Variants in RBFOX1 observed in about 807,000 individuals in gnomAD.
The protein encoded by RBFOX1 is RNA binding fox-1 homolog 1.
RBFOX1 carries 8 observed loss-of-function variants against 57.7 expected under a neutral mutation model. That is an observed-to-expected ratio of 0.14 (90% CI 0.08 to 0.25). The LOEUF (loss-of-function observed/expected upper bound fraction) is 0.25. RBFOX1 is among the 10% of genes least tolerant of loss of function. The probability of loss-of-function intolerance (pLI) is 1.00; values close to 1 mark genes in which losing one functional copy is unlikely to be tolerated. For missense variants in RBFOX1, 611 were observed against 548.5 expected (o/e 1.11, Z -1.14); for synonymous variants, 326 against 222.4 (o/e 1.47, Z -4.15).
At chr16:5,498,464 T>C (rs780139297) in intron 2 of RBFOX1, among the ~76,000 whole-genome samples, 22 of 152,072 alleles carry the variant, frequency 1.4e-4, no homozygotes, top group Admixed American at 7.2e-4. Flanking sequence ...TTGGCAGCAG[T>C]AGTGATGGTG....
intron 4 of RBFOX1, among the ~76,000 whole-genome samples, chr16:7,494,645 C>T (rs1013493204): frequency 9.2e-5 from 14 of 151,988 alleles, no homozygotes; most frequent in African/African-American, 3.4e-4. Flanking sequence ...TCTCTTATGA[C>T]AGAGAGGAGC....
chr16:7,213,656 C>CTTGAGATGTTAGGA (rs1467488072), intron 4 of RBFOX1, among the ~76,000 whole-genome samples: 1 of 152,070 alleles, frequency 6.6e-6, no homozygotes, highest in East Asian at 1.9e-4. Context: ...GATGAGCTAT[C>CTTGAGATGTTAGGA]TCATTTAATA....
At chr16:6,962,108 G>A (rs553895473) in intron 3 of RBFOX1, among the ~76,000 whole-genome samples, 2 of 152,284 alleles carry the variant, frequency 1.3e-5, no homozygotes, top group African/African-American at 2.4e-5. Flanking sequence ...AAATCAGGCT[G>A]TATCCAGGAC....
At chr16:7,027,259 T>C (rs1244241996) in intron 3 of RBFOX1, among the ~76,000 whole-genome samples, 1 of 152,120 alleles carries the variant, frequency 6.6e-6, no homozygotes, top group Non-Finnish European at 1.5e-5. Context: ...AACAAGTAAA[T>C]GAATAGAGAG....
chr16:6,400,947 C>A lies in RBFOX1; in HGVS notation c.-64+83890C>A, dbSNP rs1427882444. ...TGATGGTGTTGGATTGAAATTGGAG[C>A]TATCAGTATCAATTTAGTTTTTTTA... is the stretch of plus-strand genomic sequence containing the variant. On this transcript the variant is annotated intron_variant, in intron 2 of 15. Coordinates refer to ENST00000550418, the MANE Select transcript of RBFOX1 (RefSeq NM_018723.4). Among the ~76,000 whole-genome samples, 3 of 152,074 alleles carry A rather than the reference C, an allele frequency of 2.0e-5. No individual in the cohort carries two copies. The East Asian group carries it at 5.8e-4, about 29-fold the overall frequency.
At chr16:7,423,651 G>T (rs2098570325) in intron 4 of RBFOX1, among the ~76,000 whole-genome samples, 1 of 152,132 alleles carries the variant, frequency 6.6e-6, no homozygotes. Flanking sequence ...CTGTTTATAT[G>T]GTGCATGTGA....
intron 4 of RBFOX1, among the ~76,000 whole-genome samples, chr16:5,887,918 A>G (rs1449698385): frequency 6.6e-6 from 1 of 152,168 alleles, no homozygotes; most frequent in Non-Finnish European, 1.5e-5. Flanking sequence ...GAAGATTTCC[A>G]CTATTCTGAA....
At chr16:5,594,998 T>C (rs1187109287) in intron 2 of RBFOX1, among the ~76,000 whole-genome samples, 1 of 123,254 alleles carries the variant, frequency 8.1e-6, no homozygotes, top group African/African-American at 3.1e-5. Flanking sequence ...AAAAAAAAAT[T>C]AGCCAGGTAT....
At chr16:6,444,857 G>C (rs1255290746) in intron 2 of RBFOX1, among the ~76,000 whole-genome samples, 1 of 152,140 alleles carries the variant, frequency 6.6e-6, no homozygotes, top group Middle Eastern at 3.2e-3. Flanking sequence ...TTCTGTGTGA[G>C]AACAGGGAGT....
chr16:6,194,203 A>G (rs899581346), intron 1 of RBFOX1, among the ~76,000 whole-genome samples: 1 of 151,938 alleles, frequency 6.6e-6, no homozygotes, highest in African/African-American at 2.4e-5. Flanking sequence ...CAGCTCCCCC[A>G]TCTCAACCTG....
intron 1 of RBFOX1, among the ~76,000 whole-genome samples, chr16:6,176,477 G>A (rs953391395): frequency 3.3e-5 from 5 of 151,496 alleles, no homozygotes; most frequent in Non-Finnish European, 7.4e-5. Context: ...GAGGAATTTA[G>A]TTAAAGTTGC....
intron 7 of RBFOX1, among the ~76,000 whole-genome samples, chr16:7,588,134 G>T (rs2094227529): frequency 6.6e-6 from 1 of 152,166 alleles, no homozygotes; most frequent in Admixed American, 6.5e-5. Flanking sequence ...AGCTGAGATT[G>T]CACCACTGCA....
In RBFOX1 at chr16:6,929,076, C is replaced by T. The variant is rs188480696; in HGVS notation, c.-15-122981C>T. On this transcript the variant is annotated intron_variant, in intron 3 of 15. Coordinates refer to ENST00000550418, the MANE Select transcript of RBFOX1 (RefSeq NM_018723.4). ...ACGCCAGGAAAACACCATGCTTGCC[C>T]CACTCCCCAGTCTAGTGTTTAATTC... is the stretch of plus-strand genomic sequence containing the variant. Among the ~76,000 whole-genome samples, 33 of 152,214 alleles carry T rather than the reference C, an allele frequency of 2.2e-4. No homozygotes were observed. The East Asian group carries it at 2.9e-3, about 13-fold the overall frequency.
chr16:5,555,904 C>G (rs1472590204), intron 2 of RBFOX1, among the ~76,000 whole-genome samples: 1 of 151,952 alleles, frequency 6.6e-6, no homozygotes, highest in African/African-American at 2.4e-5. Flanking sequence ...GTCTGTAATC[C>G]CAGTTACTTG....
chr16:6,822,394 T>G (rs571897847), intron 3 of RBFOX1, among the ~76,000 whole-genome samples: 2 of 152,334 alleles, frequency 1.3e-5, no homozygotes, highest in African/African-American at 4.8e-5. Flanking sequence ...TCAGGGGAGA[T>G]GCCAGCAAGT....
chr16:5,387,491 T>A (rs1260965404), intron 1 of RBFOX1, among the ~76,000 whole-genome samples: 2 of 152,220 alleles, frequency 1.3e-5, no homozygotes, highest in Admixed American at 1.3e-4. Context: ...CTGCTCCAGT[T>A]ATCACATCTG....
chr16:7,659,696 G>A (rs543016387), intron 12 of RBFOX1, among the ~76,000 whole-genome samples: 10 of 152,306 alleles, frequency 6.6e-5, no homozygotes, highest in South Asian at 4.1e-4. Flanking sequence ...TATGGGCTGC[G>A]GTTTGGACAA....
At chr16:5,710,410 C>T (rs1056284151) in intron 3 of RBFOX1, among the ~76,000 whole-genome samples, 1 of 152,138 alleles carries the variant, frequency 6.6e-6, no homozygotes, top group African/African-American at 2.4e-5. Flanking sequence ...TGCTTGGTAG[C>T]CTTGCGCAGT....
rs535085005 is a variant in RBFOX1 at position 6,635,781 on chromosome 16, C to T, written c.-63-18822C>T. The stretch of plus-strand genomic sequence containing the variant: ...ACCCAACATAAACTATTTTGATGCA[C>T]TTGACCAGTCAGTCTTAGGGTTTAG... On this transcript the variant is annotated intron_variant, in intron 2 of 15. Transcript: ENST00000550418. Among the ~76,000 whole-genome samples, 5 of 152,128 alleles carry T rather than the reference C, an allele frequency of 3.3e-5. 1 individual carries two copies. The highest frequency in any genetic ancestry group is 1.2e-4 in the African/African-American group (5 of 41,432).
Sources: allele counts gnomAD v4.1 joint callset (sites outside exome capture counted in the v4.1 genomes callset), GRCh38; gene constraint gnomAD v4.1.1; transcripts MANE v1.5; gene names NCBI Gene and HGNC (gene_info 2026-07-23, HGNC 2026-07-21).